Variants in CST6 observed in about 807,000 individuals in gnomAD.
CST6 encodes the protein cystatin-M.
A neutral mutation model predicts 10.7 loss-of-function variants in CST6; 8 were observed. The observed-to-expected ratio is 0.75, with a 90% confidence interval of 0.44 to 1.34. The LOEUF (loss-of-function observed/expected upper bound fraction) is 1.34. Ranked by LOEUF, CST6 falls within the 40% of genes most tolerant of loss-of-function variation. The probability of loss-of-function intolerance (pLI) is 0.01; values close to 1 mark genes in which losing one functional copy is unlikely to be tolerated. For synonymous variants in CST6, 100 were observed against 89.3 expected, an observed-to-expected ratio of 1.12 and a Z score of -0.68; for missense variants, 206 against 205.1, an observed-to-expected ratio of 1.00 and a Z score of -0.03.
rs969072831 is a variant in CST6, at chr11:66,012,095, C to G, written c.51C>G (p.Phe17Leu). 2 of 1,565,858 alleles carry G rather than the reference C, an allele frequency of 1.3e-6. No homozygotes were observed. Among genetic ancestry groups the G allele is most frequent in the African/African-American group, 1.3e-5 (1 of 74,342 alleles). The part of the protein sequence containing the change: ...PLALGLALVA[F>L]CLLALPRDAR... ...CGCTGGGCCTGGCCCTGGTCGCATT[C>G]TGCCTCCTGGCGCTGCCACGCGACG... The change falls in exon 1 of 3, where the codon TTC (phenylalanine) becomes TTG (leucine). Residue 17 changes from phenylalanine to leucine, a missense_variant. Phe to Leu is a conservative substitution (Grantham distance 22). Transcript: ENST00000312134.
Position 66,012,858 on chromosome 11 carries a change from G to T in CST6, c.273G>T (p.Met91Ile). The change falls in exon 2 of 3, where the codon ATG (methionine) becomes ATT (isoleucine). Residue 91 changes from methionine to isoleucine, a missense_variant. Coordinates refer to ENST00000312134, the MANE Select transcript of CST6 (RefSeq NM_001323.4). The stretch of plus-strand genomic sequence containing the variant: ...CCGGCATCAAGTACTTCCTGACGAT[G>T]GAGATGGGGAGCACAGACTGCCGCA... Reference protein sequence around the residue: ...LVAGIKYFLTMEMGSTDCRKT... With the variant: ...LVAGIKYFLTIEMGSTDCRKT... The T allele has an allele frequency of 6.2e-7, 1 of 1,610,570 alleles. No individual in the cohort carries two copies. The highest frequency in any genetic ancestry group is 1.3e-5 in the African/African-American group (1 of 74,950).
intron 2 of CST6, 169 bp downstream of exon 2, chr11:66,013,120 TG>T: frequency 9.5e-7 from 1 of 1,049,844 alleles, no homozygotes; most frequent in East Asian, 2.6e-5. Context: ...GAAAGGAAGC[TG>T]GGGCTTCCCT....
At chr11:66,013,492 TGCTGCTTCTTGCATTG>T in exon 3 of CST6, 1 of 1,006,076 alleles carries the variant, frequency 9.9e-7, no homozygotes, top group Admixed American at 1.7e-5. Flanking sequence ...AAATGGCCAG[TGCTGCTTCTTGCATTG>T]GTTTCTTCCA....
chr11:66,013,106 T>A, intron 2 of CST6, 155 bp downstream of exon 2: 1 of 1,137,216 alleles, frequency 8.8e-7, no homozygotes. Context: ...CAAGATGGGG[T>A]GCAGAAAGGA....
rs545685510 is a variant in CST6 at position 66,013,323 on chromosome 11, C to T, written c.373C>T (p.Arg125Cys). 1.5e-5 allele frequency: 25 copies of T among 1,613,966 alleles called. No individual in the cohort carries two copies. In the Admixed American group the frequency reaches 2.2e-4, roughly 14 times the overall value. ...CCCCATATTCCCTCCACAGAAGCTGCGCTGTGACTTTGAGGTCCTTGTGGT... is the reference window on the plus strand; with the variant it reads ...CCCCATATTCCCTCCACAGAAGCTGTGCTGTGACTTTGAGGTCCTTGTGGT... The part of the protein sequence containing the change: ...LAAGAQQEKL[R>C]CDFEVLVVPW... Residue 125 changes from arginine (R) to cysteine (C), a missense_variant, in exon 3 of 3, where the codon CGC becomes TGC. By Grantham distance (180) the Arg-to-Cys change is radical (BLOSUM62 -3). Transcript: ENST00000312134.
chr11:66,012,028 C>T lies in CST6; in HGVS notation c.-17C>T. On this transcript the variant is annotated 5_prime_UTR_variant, in exon 1 of 3. Coordinates refer to ENST00000312134, the MANE Select transcript of CST6 (RefSeq NM_001323.4). ...TCGGCACTCACGGCTCTGAGGGCTC[C>T]GACGGCACTGACGGCCATGGCGCGT... 1 of 1,524,368 alleles carries T rather than the reference C, an allele frequency of 6.6e-7. No homozygotes were observed. Among genetic ancestry groups the T allele is most frequent in the Non-Finnish European group, 8.7e-7 (1 of 1,143,016 alleles). The allele number at this position is 1,524,368 out of a possible 1,614,324, so 94.4% of individuals were successfully genotyped here. A position where few individuals can be genotyped will look rare whatever the true frequency, so the allele number is the denominator to read the frequency against.
Position 66,013,419 on chromosome 11 carries a change from G to T in CST6, c.*19G>T. On this transcript the variant is annotated 3_prime_UTR_variant, in exon 3 of 3. Transcript: ENST00000312134. ...GATGTGATAAGTCCCCGAGGGCGAAGGCCATTGGGTTTGGGGCCATGGTGG... is the reference window on the plus strand; with the variant it reads ...GATGTGATAAGTCCCCGAGGGCGAATGCCATTGGGTTTGGGGCCATGGTGG... 1 of 1,607,680 alleles carries T rather than the reference G, an allele frequency of 6.2e-7. No homozygotes were observed. The highest frequency in any genetic ancestry group is 8.5e-7 in the Non-Finnish European group (1 of 1,174,044).
chr11:66,012,383 G>A lies in CST6; in HGVS notation c.240+99G>A, dbSNP rs1856176860. 5 of 1,363,204 alleles carry A rather than the reference G, an allele frequency of 3.7e-6. No individual in the cohort carries two copies. The East Asian group carries it at 1.3e-4, about 35-fold the overall frequency. The allele number at this position is 1,363,204 out of a possible 1,614,324, so 84.4% of individuals were successfully genotyped here. On this transcript the variant is annotated intron_variant, in intron 1 of 2. Transcript: ENST00000312134. Reference sequence around the variant, plus strand: ...ATGAAGGGGGCCTAAAAGCGCAATCGGGATATTTTCATGCAATATTTTAAA... The same window carrying A: ...ATGAAGGGGGCCTAAAAGCGCAATCAGGATATTTTCATGCAATATTTTAAA...
chr11:66,013,183 G>A (rs554278099), intron 2 of CST6, 134 bp from the exon 3 acceptor site: 40 of 1,005,132 alleles, frequency 4.0e-5, no homozygotes, highest in African/African-American at 2.4e-4. Flanking sequence ...CCAGACATGC[G>A]GCTTGACATC....
intron 1 of CST6, 48 bp downstream of exon 1, chr11:66,012,332 A>T (rs767878999): frequency 1.3e-6 from 2 of 1,534,132 alleles, no homozygotes; most frequent in African/African-American, 2.7e-5. Context: ...CAGATGGGGG[A>T]GGCCACAGGC....
In CST6 at chr11:66,012,433, C is replaced by A. The variant is rs1856177261; in HGVS notation, c.240+149C>A. On this transcript the variant is annotated intron_variant, in intron 1 of 2. Transcript: ENST00000312134. Reference sequence around the variant, plus strand: ...AAATCGAATTAATGCTAAAACTCCACGATGGACAACCATCTAAATTTCAAG... The same window carrying A: ...AAATCGAATTAATGCTAAAACTCCAAGATGGACAACCATCTAAATTTCAAG... 3 of 1,078,132 alleles carry A rather than the reference C, an allele frequency of 2.8e-6. No individual in the cohort carries two copies. In the East Asian group the frequency reaches 7.9e-5, roughly 28 times the overall value. 66.8% of individuals were successfully genotyped at this position (1,078,132 alleles called of 1,614,324 possible).
rs1856191307 is a variant in CST6 at position 66,013,435 on chromosome 11, G to C, written c.*35G>C. 8 of 1,577,278 alleles carry C rather than the reference G, an allele frequency of 5.1e-6. No individual in the cohort carries two copies. Among genetic ancestry groups the C allele is most frequent in the Non-Finnish European group, 7.0e-6 (8 of 1,146,464 alleles). ...GAGGGCGAAGGCCATTGGGTTTGGGGCCATGGTGGAGGGCACTTCAGGTCC... is the reference window on the plus strand; with the variant it reads ...GAGGGCGAAGGCCATTGGGTTTGGGCCCATGGTGGAGGGCACTTCAGGTCC... On this transcript the variant is annotated 3_prime_UTR_variant, in exon 3 of 3. Transcript: ENST00000312134.
Position 66,012,490 on chromosome 11 carries a change from C to T in CST6, c.240+206C>T, listed in dbSNP as rs12223658. ...CATAATTAAACCCTGTATTGCACTACCTGCCTTCCTGGCTTGCCTGGTCCT... is the reference window on the plus strand; with the variant it reads ...CATAATTAAACCCTGTATTGCACTATCTGCCTTCCTGGCTTGCCTGGTCCT... On this transcript the variant is annotated intron_variant, in intron 1 of 2. Transcript: ENST00000312134. 8.5e-3 allele frequency among the ~76,000 whole-genome samples: 1,288 copies of T among 152,300 alleles called. 35 individuals are homozygous for T. The East Asian group carries it at 0.11, about 12-fold the overall frequency.
chr11:66,012,723 C>G, intron 1 of CST6, 103 bp from the exon 2 acceptor site: 1 of 843,638 alleles, frequency 1.2e-6, no homozygotes, highest in Non-Finnish European at 1.7e-6. Flanking sequence ...CTCTCCCTCT[C>G]TCCCCACCTG....
rs1131544 is a variant in CST6 at position 66,012,119 on chromosome 11, C to A, written c.75C>A (p.Asp25Glu). Residue 25 changes from aspartate (D) to glutamate (E), a missense_variant, in exon 1 of 3, where the codon GAC (aspartate) becomes GAA (glutamate). By Grantham distance (45) the Asp-to-Glu change is conservative. Coordinates refer to ENST00000312134, the MANE Select transcript of CST6 (RefSeq NM_001323.4). ...TCTGCCTCCTGGCGCTGCCACGCGA[C>A]GCCCGGGCCCGGCCGCAGGAGCGCA... is the stretch of plus-strand genomic sequence containing the variant. ...VAFCLLALPR[D>E]ARARPQERMV... The A allele has an allele frequency of 6.5e-7, 1 of 1,549,852 alleles. No individual in the cohort carries two copies. The highest frequency in any genetic ancestry group is 8.7e-7 in the Non-Finnish European group (1 of 1,153,596).
At chr11:66,012,670 C>CCA (rs1452513965) in intron 1 of CST6, among the ~76,000 whole-genome samples, 156 bp from the exon 2 acceptor site, 17 of 13,524 alleles carry the variant, frequency 1.3e-3, no homozygotes, top group Admixed American at 1.7e-3. Context: ...GAACTCCCCC[C>CCA]CCCACCCCCC....
chr11:66,012,041 G>A lies in CST6; in HGVS notation c.-4G>A, dbSNP rs774960899. The A allele has an allele frequency of 5.2e-6, 8 of 1,540,248 alleles. No individual in the cohort carries two copies. The highest frequency in any genetic ancestry group is 1.2e-5 in the South Asian group (1 of 83,340). On this transcript the variant is annotated 5_prime_UTR_variant, in exon 1 of 3. Transcript: ENST00000312134. ...CTCTGAGGGCTCCGACGGCACTGAC[G>A]GCCATGGCGCGTTCGAACCTCCCGC...
chr11:66,012,079 T>C lies in CST6; in HGVS notation c.35T>C (p.Leu12Pro). The C allele has an allele frequency of 6.4e-7, 1 of 1,569,684 alleles. No homozygotes were observed. Among genetic ancestry groups the C allele is most frequent in the Non-Finnish European group, 8.6e-7 (1 of 1,166,336 alleles). The part of the protein sequence containing the change: ...ARSNLPLALG[L>P]ALVAFCLLAL... The stretch of plus-strand genomic sequence containing the variant: ...TCGAACCTCCCGCTGGCGCTGGGCC[T>C]GGCCCTGGTCGCATTCTGCCTCCTG... Residue 12 changes from leucine (L) to proline (P), a missense_variant, in exon 1 of 3, where the codon CTG becomes CCG. Leu to Pro is a moderately conservative substitution (Grantham distance 98, BLOSUM62 -3). Transcript: ENST00000312134.
chr11:66,013,058 T>C (rs1361186418), intron 2 of CST6, 107 bp downstream of exon 2: 1 of 1,441,542 alleles, frequency 6.9e-7, no homozygotes, highest in Non-Finnish European at 9.5e-7. Context: ...GATGTCTGGC[T>C]GAACCTGTCG....
Sources: allele counts gnomAD v4.1 joint callset (sites outside exome capture counted in the v4.1 genomes callset), GRCh38; gene constraint gnomAD v4.1.1; transcripts MANE v1.5; gene names NCBI Gene and HGNC (gene_info 2026-07-23, HGNC 2026-07-21).